Variants in EZH2 observed in about 807,000 individuals in gnomAD.
The protein encoded by EZH2 is enhancer of zeste 2 polycomb repressive complex 2 subunit.
A neutral mutation model predicts 98.4 loss-of-function variants in EZH2; 18 were observed. That is an observed-to-expected ratio of 0.18 (90% confidence interval 0.13 to 0.27). The LOEUF (loss-of-function observed/expected upper bound fraction) is 0.27, where lower values mean the gene tolerates loss of function less well. Among genes scored for constraint, EZH2 ranks in the 10% least tolerant of loss-of-function variants. The pLI, the probability that EZH2 is intolerant of heterozygous loss-of-function variation, is 1.00. For synonymous variants in EZH2, 338 were observed against 312.3 expected, an observed-to-expected ratio of 1.08 and a Z score of -0.87; for missense variants, 470 against 935.1, an observed-to-expected ratio of 0.50 and a Z score of 6.49.
chr7:148,826,762 TTAGA>T (rs1291126827), intron 7 of EZH2, 130 bp from the exon 8 acceptor site: 12 of 629,860 alleles, frequency 1.9e-5, no homozygotes, highest in South Asian at 1.1e-4. Context: ...ATGGCTCTAT[TTAGA>T]TAAAGAGCCA....
chr7:148,820,524 C>G (rs1461729433), intron 8 of EZH2, among the ~76,000 whole-genome samples: 1 of 149,708 alleles, frequency 6.7e-6, no homozygotes, highest in African/African-American at 2.5e-5. Flanking sequence ...TTGTAAAAAG[C>G]CATATTTAAA....
intron 1 of EZH2, among the ~76,000 whole-genome samples, chr7:148,855,897 C>CAAAAA (rs34692092): frequency 4.6e-4 from 19 of 40,970 alleles, no homozygotes; most frequent in East Asian, 1.5e-3. Context: ...GACTCCATCT[C>CAAAAA]AAAAAAAAAA....
In EZH2 at chr7:148,847,450, G is replaced by A. The variant is rs963668386; in HGVS notation, c.-7-145C>T. The stretch of plus-strand genomic sequence containing the variant: ...CATTTACAGAAAGGTGCTCATTTGT[G>A]CTGCATGGTTAAATCCTTAAAACAC... On this transcript the variant is annotated intron_variant, in intron 1 of 19. Transcript: ENST00000320356. 39 of 988,074 alleles carry A rather than the reference G, an allele frequency of 3.9e-5. 1 individual carries two copies. The African/African-American group carries it at 5.6e-4, about 14-fold the overall frequency. 61.2% of individuals were successfully genotyped at this position (988,074 alleles called of 1,614,324 possible). A position where few individuals can be genotyped will look rare whatever the true frequency, so the allele number is the denominator to read the frequency against.
intron 7 of EZH2, 134 bp downstream of exon 7, chr7:148,827,030 G>A (rs1383742650): frequency 3.2e-6 from 2 of 631,822 alleles, no homozygotes; most frequent in Non-Finnish European, 5.5e-6. Context: ...TACACATGTT[G>A]CTTCAAGTAT....
chr7:148,813,309 G>C (rs1803663892), intron 15 of EZH2, among the ~76,000 whole-genome samples: 1 of 142,136 alleles, frequency 7.0e-6, no homozygotes, highest in Admixed American at 7.2e-5. Context: ...ACTGACTGAA[G>C]AAAGAACTTA....
At chr7:148,857,406 T>C (rs1269638853) in intron 1 of EZH2, among the ~76,000 whole-genome samples, 1 of 152,240 alleles carries the variant, frequency 6.6e-6, no homozygotes, top group East Asian at 1.9e-4. Flanking sequence ...AACATACTGA[T>C]ACTGATTTCT....
chr7:148,878,764 T>C (rs1365952003), intron 1 of EZH2, among the ~76,000 whole-genome samples: 6 of 151,838 alleles, frequency 4.0e-5, no homozygotes, highest in Non-Finnish European at 8.8e-5. Flanking sequence ...CCAGGCGTGG[T>C]GGCATGCACT....
chr7:148,826,576 G>A lies in EZH2; in HGVS notation c.785C>T (p.Pro262Leu). 6.3e-7 allele frequency: 1 copy of A among 1,581,230 alleles called. No individual in the cohort carries two copies. Among genetic ancestry groups the A allele is most frequent in the Non-Finnish European group, 8.6e-7 (1 of 1,160,530 alleles). Residue 262 changes from proline to leucine, a missense_variant, in exon 8 of 20, where the codon CCC becomes CTC. Pro to Leu is a moderately conservative substitution (Grantham distance 98, BLOSUM62 -3). Around this residue, in one of 6 missense-constraint regions of EZH2, gnomAD observed 192 missense variants for 306.8 expected, o/e 0.63. Coordinates refer to ENST00000320356, the MANE Select transcript of EZH2 (RefSeq NM_004456.5). ...TTTAGCATTTGGTCCATCTATGTTG[G>A]GGGTACATTCAGGAGGAAGTGCGCC... is the stretch of plus-strand genomic sequence containing the variant. Reference protein sequence around the residue: ...LPGALPPECTPNIDGPNAKSV... With the variant: ...LPGALPPECTLNIDGPNAKSV...
intron 1 of EZH2, among the ~76,000 whole-genome samples, chr7:148,865,031 G>T (rs1025451423): frequency 6.6e-6 from 1 of 151,892 alleles, no homozygotes; most frequent in South Asian, 2.1e-4. Context: ...GGAGTCTGAG[G>T]CAGGAGAATC....
rs1563022265 is a variant in EZH2, at chr7:148,846,613, T to A, written c.118-15A>T. On this transcript the variant is annotated splice_polypyrimidine_tract_variant and intron_variant, in intron 2 of 19. Coordinates refer to ENST00000320356, the MANE Select transcript of EZH2 (RefSeq NM_004456.5). ...CTAAACATACTCTTAAAAAAAAAAA[T>A]GAAGGAGAGGAAAGGAGAAATTGTT... 6.4e-7 allele frequency: 1 copy of A among 1,557,070 alleles called. No individual in the cohort carries two copies. Among genetic ancestry groups the A allele is most frequent in the East Asian group, 2.3e-5 (1 of 44,180 alleles).
intron 6 of EZH2, 68 bp downstream of exon 6, chr7:148,828,666 CCTATTT>C: frequency 6.7e-7 from 1 of 1,489,916 alleles, no homozygotes; most frequent in Non-Finnish European, 9.1e-7. Flanking sequence ...GAAACTAAGC[CCTATTT>C]CTACTCTTTC....
At chr7:148,839,896 G>T (rs1479746481) in intron 3 of EZH2, among the ~76,000 whole-genome samples, 2 of 152,094 alleles carry the variant, frequency 1.3e-5, no homozygotes, top group African/African-American at 2.4e-5. Context: ...CATAAGAAAA[G>T]CCCAACCTAA....
intron 3 of EZH2, among the ~76,000 whole-genome samples, chr7:148,839,568 A>AT (rs1053607777): frequency 8.3e-4 from 125 of 149,942 alleles, no homozygotes; most frequent in East Asian, 3.5e-3. Flanking sequence ...AAAAAAAACT[A>AT]TTTTTTTTTG....
At chr7:148,859,786 A>G (rs1453254957) in intron 1 of EZH2, among the ~76,000 whole-genome samples, 3 of 152,198 alleles carry the variant, frequency 2.0e-5, no homozygotes, top group Non-Finnish European at 4.4e-5. Context: ...TAGATTAAAT[A>G]TCCACTTAAT....
chr7:148,862,930 T>TA (rs533190972), intron 1 of EZH2, among the ~76,000 whole-genome samples: 3 of 151,412 alleles, frequency 2.0e-5, no homozygotes, highest in South Asian at 4.2e-4. Flanking sequence ...TTTGTTTTTT[T>TA]AAAAAAAAGC....
At chr7:148,827,944 C>T (rs886644623) in intron 6 of EZH2, among the ~76,000 whole-genome samples, 8 of 152,106 alleles carry the variant, frequency 5.3e-5, no homozygotes, top group South Asian at 2.1e-4. Flanking sequence ...GGTGAAACCC[C>T]GTCTCTACTA....
intron 1 of EZH2, among the ~76,000 whole-genome samples, chr7:148,862,893 T>C (rs1452660423): frequency 6.6e-6 from 1 of 150,854 alleles, no homozygotes; most frequent in Non-Finnish European, 1.5e-5. Context: ...ATGTCCAACA[T>C]GGTTTTTTTG....
chr7:148,880,474 T>C (rs1820799882), intron 1 of EZH2, among the ~76,000 whole-genome samples: 1 of 152,214 alleles, frequency 6.6e-6, no homozygotes, highest in African/African-American at 2.4e-5. Context: ...ATATCAACAT[T>C]AAATCAAATT....
intron 1 of EZH2, among the ~76,000 whole-genome samples, chr7:148,880,511 G>A (rs539527449): frequency 2.0e-5 from 3 of 152,240 alleles, no homozygotes; most frequent in Non-Finnish European, 2.9e-5. Flanking sequence ...TAAATATCCA[G>A]ATGATTCATC....
Sources: gnomAD v4.1 joint callset for allele counts (sites outside exome capture counted in the v4.1 genomes callset) on GRCh38, gnomAD v4.1.1 for gene constraint, gnomAD v4.1.1 regional missense constraint, MANE v1.5 for transcripts, NCBI Gene and HGNC (gene_info 2026-07-23, HGNC 2026-07-21) for gene names.